The following ATP6V0E2 variants were observed in gnomAD, a reference collection of about 807,000 sequenced individuals.
ATP6V0E2 encodes V-type proton ATPase subunit e 2.
A neutral mutation model predicts 11.5 loss-of-function variants in ATP6V0E2; 4 were observed. The observed-to-expected ratio is 0.35, with a 90% CI of 0.17 to 0.80. ATP6V0E2 has a LOEUF of 0.80. ATP6V0E2 is among the 30% of genes least tolerant of loss of function. The probability of loss-of-function intolerance (pLI) is 0.53; values close to 1 mark genes in which losing one functional copy is unlikely to be tolerated. For missense variants in ATP6V0E2, 93 were observed against 113.5 expected (o/e 0.82, Z 0.82); for synonymous variants, 52 against 51.0 (o/e 1.02, Z -0.09).
upstream of ATP6V0E2, chr7:149,873,678 G>C: frequency 4.4e-6 from 2 of 458,628 alleles, no homozygotes; most frequent in Non-Finnish European, 7.3e-6. Context: ...AAGGGCAGGG[G>C]ACGCCCCGAA....
At chr7:149,873,715 C>T, upstream of ATP6V0E2, 4 of 683,384 alleles carry the variant, frequency 5.9e-6, no homozygotes, top group Non-Finnish European at 9.0e-6. Context: ...ACCCCAAGCT[C>T]CAGGGGTCTT....
At chr7:149,875,287 A>C (rs1803065845) in intron 1 of ATP6V0E2, among the ~76,000 whole-genome samples, 1 of 152,218 alleles carries the variant, frequency 6.6e-6, no homozygotes, top group Non-Finnish European at 1.5e-5. Context: ...AGCTCTGTGC[A>C]GTGCCTTTCC....
chr7:149,873,598 G>T, upstream of ATP6V0E2: 1 of 264,062 alleles, frequency 3.8e-6, no homozygotes, highest in Non-Finnish European at 7.1e-6. Flanking sequence ...CCCCCGCGGG[G>T]CCGTCAGGTT....
chr7:149,874,031 G>T lies in ATP6V0E2; in HGVS notation c.-35G>T, dbSNP rs528494913. On this transcript the variant is annotated 5_prime_UTR_variant, in exon 1 of 4. Coordinates refer to ENST00000425642, the MANE Select transcript of ATP6V0E2 (RefSeq NM_145230.4). ...GCGCACCTGCAGCGCCCGCTGCTCG[G>T]CCCTGCATCCTGCCTGGGCATCCTG... 4 of 1,549,210 alleles carry T rather than the reference G, an allele frequency of 2.6e-6. No individual in the cohort carries two copies. The East Asian group carries it at 9.8e-5, about 38-fold the overall frequency.
At chr7:149,873,898 C>G, upstream of ATP6V0E2, 1 of 1,498,266 alleles carries the variant, frequency 6.7e-7, no homozygotes, top group Non-Finnish European at 8.9e-7. Flanking sequence ...TGAGTGACAG[C>G]GCGGCGGGCT....
rs374665169 is a variant in ATP6V0E2, at chr7:149,874,172, A to G, written c.104+3A>G. 11 of 1,547,822 alleles carry G rather than the reference A, an allele frequency of 7.1e-6. No individual in the cohort carries two copies. In the East Asian group the frequency reaches 7.4e-5, roughly 10 times the overall value. ...GTGCCGAAGGGACCCAACCGCGGGT[A>G]AGGAAAGCGCGCAGGCCCTGCAGAC... On this transcript the variant is annotated splice_donor_region_variant and intron_variant, in intron 1 of 3. Coordinates refer to ENST00000425642, the MANE Select transcript of ATP6V0E2 (RefSeq NM_145230.4).
In ATP6V0E2 at chr7:149,879,457, C is replaced by T. The variant is rs765932670; in HGVS notation, c.*142C>T. The stretch of plus-strand genomic sequence containing the variant: ...CTGCTGGCACCCAGAGACCCGGACC[C>T]GCAGGGCCTGCCTGGTTCCTGGAAG... On this transcript the variant is annotated 3_prime_UTR_variant, in exon 4 of 4. Transcript: ENST00000425642. 131 of 1,595,198 alleles carry T rather than the reference C, an allele frequency of 8.2e-5. No homozygotes were observed. Among genetic ancestry groups the T allele is most frequent in the Non-Finnish European group, 1.0e-4 (120 of 1,171,648 alleles).
rs1229561282 is a variant in ATP6V0E2, at chr7:149,873,970, T to A, written c.-96T>A. On this transcript the variant is annotated 5_prime_UTR_variant, in exon 1 of 4. It adds an upstream start codon to the 5' untranslated region. Transcript: ENST00000425642. ...GATCGCTTCGGGTGCTCGACTCCTG[T>A]TGCGCATGCTCAGCGCGCTGCCCGG... 5 of 1,546,346 alleles carry A rather than the reference T, an allele frequency of 3.2e-6. No individual in the cohort carries two copies. Among genetic ancestry groups the A allele is most frequent in the Non-Finnish European group, 2.6e-6 (3 of 1,147,470 alleles).
Position 149,880,023 on chromosome 7 carries a change from C to T in ATP6V0E2, c.*708C>T. 5.1e-6 allele frequency: 1 copy of T among 196,486 alleles called. No homozygotes were observed. Among genetic ancestry groups the T allele is most frequent in the African/African-American group, 2.3e-5 (1 of 43,284 alleles). The allele number at this position is 196,486 out of a possible 1,614,324, so 12.2% of individuals were successfully genotyped here. On this transcript the variant is annotated 3_prime_UTR_variant, in exon 4 of 4. Transcript: ENST00000425642. ...TCAGTGGATGTCTTCCCTCCCCCGA[C>T]CCCAGCCTGTCAGTCCGAGCACAGT...
chr7:149,875,837 G>A, intron 2 of ATP6V0E2, 192 bp downstream of exon 2: 1 of 684,218 alleles, frequency 1.5e-6, no homozygotes, highest in Non-Finnish European at 2.6e-6. Flanking sequence ...TGAACCCTGG[G>A]CTCTGGATCT....
rs765738473 is a variant in ATP6V0E2 at position 149,880,065 on chromosome 7, C to T, written c.*750C>T. On this transcript the variant is annotated 3_prime_UTR_variant, in exon 4 of 4. Transcript: ENST00000425642. ...GAGCACAGTGCAGGTTTGGCTCTGA[C>T]TTGGGCTTTTGGCTGCAGTGGGGGT... 1.2e-5 allele frequency: 2 copies of T among 168,564 alleles called. No homozygotes were observed. The highest frequency in any genetic ancestry group is 4.7e-5 in the African/African-American group (2 of 42,140). 10.4% of individuals were successfully genotyped at this position (168,564 alleles called of 1,614,324 possible). A position where few individuals can be genotyped will look rare whatever the true frequency, so the allele number is the denominator to read the frequency against.
In ATP6V0E2 at chr7:149,879,775, G is replaced by A; in HGVS notation, c.*460G>A. 1.1e-6 allele frequency: 1 copy of A among 915,712 alleles called. No homozygotes were observed. Among genetic ancestry groups the A allele is most frequent in the Non-Finnish European group, 1.5e-6 (1 of 676,650 alleles). 56.7% of individuals were successfully genotyped at this position (915,712 alleles called of 1,614,324 possible). A position where few individuals can be genotyped will look rare whatever the true frequency, so the allele number is the denominator to read the frequency against. On this transcript the variant is annotated 3_prime_UTR_variant, in exon 4 of 4. Coordinates refer to ENST00000425642, the MANE Select transcript of ATP6V0E2 (RefSeq NM_145230.4). ...CCACCATCCTGCTGGGAACTGGGGGGGCCTCTATTGGGTTATAGGCAAGGC... is the reference window on the plus strand; with the variant it reads ...CCACCATCCTGCTGGGAACTGGGGGAGCCTCTATTGGGTTATAGGCAAGGC...
chr7:149,879,119 T>C, intron 3 of ATP6V0E2: 1 of 1,398,144 alleles, frequency 7.2e-7, no homozygotes, highest in Non-Finnish European at 9.2e-7. Flanking sequence ...CCGCCAGGGA[T>C]GAAATGGGAA....
chr7:149,877,162 A>T (rs958200152), intron 2 of ATP6V0E2, among the ~76,000 whole-genome samples: 1 of 152,042 alleles, frequency 6.6e-6, no homozygotes, highest in African/African-American at 2.4e-5. Context: ...AGGAGCTGGG[A>T]TGACAGGTGC....
intron 2 of ATP6V0E2, among the ~76,000 whole-genome samples, chr7:149,877,592 G>A (rs1357008888): frequency 7.7e-6 from 1 of 129,324 alleles, no homozygotes; most frequent in Non-Finnish European, 1.6e-5. Context: ...AATTCTTCCT[G>A]GACAGAGCAT....
At position 149,879,505 on chromosome 7, in the gene ATP6V0E2, C is replaced by G. The variant is rs924318420; in HGVS notation, c.*190C>G. 1.3e-5 allele frequency: 20 copies of G among 1,590,566 alleles called. No homozygotes were observed. The African/African-American group carries it at 2.4e-4, about 19-fold the overall frequency. The stretch of plus-strand genomic sequence containing the variant: ...AAGTCTTCCCAGTCTTCCCAGCCAG[C>G]CCGGGCCCTGGGGAGCCCTGGGCAC... On this transcript the variant is annotated 3_prime_UTR_variant, in exon 4 of 4. Coordinates refer to ENST00000425642, the MANE Select transcript of ATP6V0E2 (RefSeq NM_145230.4).
Position 149,879,463 on chromosome 7 carries a change from G to C in ATP6V0E2, c.*148G>C. ...GCACCCAGAGACCCGGACCCGCAGGGCCTGCCTGGTTCCTGGAAGTCTTCC... is the reference window on the plus strand; with the variant it reads ...GCACCCAGAGACCCGGACCCGCAGGCCCTGCCTGGTTCCTGGAAGTCTTCC... On this transcript the variant is annotated 3_prime_UTR_variant, in exon 4 of 4. Transcript: ENST00000425642. 1 of 1,594,556 alleles carries C rather than the reference G, an allele frequency of 6.3e-7. No homozygotes were observed. Among genetic ancestry groups the C allele is most frequent in the African/African-American group, 1.3e-5 (1 of 74,298 alleles).
In ATP6V0E2 at chr7:149,874,008, G is replaced by A. The variant is rs1239008010; in HGVS notation, c.-58G>A. On this transcript the variant is annotated 5_prime_UTR_variant, in exon 1 of 4. Transcript: ENST00000425642. ...GCGCGCTGCCCGGCTGGGGACCCGC[G>A]CACCTGCAGCGCCCGCTGCTCGGCC... 2 of 1,546,310 alleles carry A rather than the reference G, an allele frequency of 1.3e-6. No homozygotes were observed. Among genetic ancestry groups the A allele is most frequent in the Non-Finnish European group, 8.7e-7 (1 of 1,145,636 alleles).
chr7:149,874,835 C>T (rs1200807580), intron 1 of ATP6V0E2: 1 of 153,136 alleles, frequency 6.5e-6, no homozygotes, highest in African/African-American at 2.4e-5. Flanking sequence ...AAAAAGGGAT[C>T]GCGTGCTCCT....
Sources: allele counts gnomAD v4.1 joint callset (sites outside exome capture counted in the v4.1 genomes callset), GRCh38; gene constraint gnomAD v4.1.1; transcripts MANE v1.5; gene names NCBI Gene and HGNC (gene_info 2026-07-23, HGNC 2026-07-21).